Variants in TBXAS1 observed in about 807,000 individuals in gnomAD.
TBXAS1 encodes thromboxane-A synthase.
TBXAS1 carries 48 observed loss-of-function variants against 60.7 expected under a neutral mutation model. The ratio of observed to expected loss-of-function variants is 0.79; its 90% CI spans 0.63 to 1.01. TBXAS1 has a LOEUF of 1.01. TBXAS1 is among the 50% of genes least tolerant of loss of function. The probability of loss-of-function intolerance (pLI) is 0.00; values close to 1 mark genes in which losing one functional copy is unlikely to be tolerated. For synonymous variants in TBXAS1, 287 were observed against 269.7 expected (o/e 1.06, Z -0.63); for missense variants, 685 against 686.3 (o/e 1.00, Z 0.02).
intron 1 of TBXAS1, 135 bp from the exon 2 acceptor site, chr7:139,872,099 GT>G (rs1291610416): frequency 8.4e-6 from 7 of 830,028 alleles, no homozygotes; most frequent in Non-Finnish European, 1.4e-5. Context: ...CAATTTTTTG[GT>G]TCTTAGATGT....
At chr7:139,819,901 C>T (rs923071684) in intron 4 of TBXAS1, among the ~76,000 whole-genome samples, 8 of 151,848 alleles carry the variant, frequency 5.3e-5, no homozygotes, top group African/African-American at 1.9e-4. Context: ...GCTGCCAGAA[C>T]TTCGAATTAT....
chr7:139,785,291 G>A (rs1797154038), intron 3 of TBXAS1, among the ~76,000 whole-genome samples: 1 of 151,950 alleles, frequency 6.6e-6, no homozygotes, highest in South Asian at 2.1e-4. Context: ...AGATCTCTGA[G>A]GCTGGTATTT....
intron 4 of TBXAS1, among the ~76,000 whole-genome samples, chr7:139,816,585 GACC>G (rs1569493845): frequency 6.6e-6 from 1 of 152,184 alleles, no homozygotes; most frequent in African/African-American, 2.4e-5. Flanking sequence ...AGTGGTCCCA[GACC>G]AGCAGCATCA....
intron 5 of TBXAS1, chr7:139,952,520 C>T (rs1462014296): frequency 5.9e-6 from 9 of 1,533,796 alleles, no homozygotes; most frequent in East Asian, 4.9e-5. Context: ...GAATGGGCAG[C>T]GAATAAAATG....
rs560779050 is a variant in TBXAS1 at position 139,837,828 on chromosome 7, A to T, written c.89+8349A>T. ...CTTATGGAAAAATAAAAAAACAAAA[A>T]CAAAACAAAACAAAAAAGCAAAAGG... On this transcript the variant is annotated intron_variant, in intron 1 of 12. Transcript: ENST00000448866. Among the ~76,000 whole-genome samples, 331 of 152,268 alleles carry T rather than the reference A, an allele frequency of 2.2e-3. 2 individuals carry two copies. Among genetic ancestry groups the T allele is most frequent in the Non-Finnish European group, 3.2e-3 (221 of 68,020 alleles).
At chr7:139,931,672 A>G (rs563641193) in intron 4 of TBXAS1, among the ~76,000 whole-genome samples, 11 of 152,202 alleles carry the variant, frequency 7.2e-5, no homozygotes, top group Non-Finnish European at 1.0e-4. Flanking sequence ...CCACGAGAAC[A>G]ACATAGGAAA....
At chr7:139,804,261 T>C (rs1249789426) in intron 4 of TBXAS1, among the ~76,000 whole-genome samples, 1 of 152,250 alleles carries the variant, frequency 6.6e-6, no homozygotes, top group African/African-American at 2.4e-5. Flanking sequence ...GATTGCCCTA[T>C]TGGATTTCAG....
upstream of TBXAS1, among the ~76,000 whole-genome samples, chr7:139,824,432 A>G (rs2116453272): frequency 6.6e-6 from 1 of 152,342 alleles, no homozygotes; most frequent in Admixed American, 6.5e-5. Flanking sequence ...GCAAGGGCAC[A>G]ATAATATATA....
At chr7:139,978,650 T>C (rs1811734948) in intron 9 of TBXAS1, among the ~76,000 whole-genome samples, 1 of 151,208 alleles carries the variant, frequency 6.6e-6, no homozygotes, top group African/African-American at 2.4e-5. Context: ...ATTTTAAAGA[T>C]TAAAGCAACT....
chr7:139,876,772 C>T (rs1254062225), intron 3 of TBXAS1, among the ~76,000 whole-genome samples: 1 of 152,152 alleles, frequency 6.6e-6, no homozygotes, highest in Non-Finnish European at 1.5e-5. Context: ...GCATAATGGA[C>T]TACCCCAAAA....
intron 1 of TBXAS1, among the ~76,000 whole-genome samples, chr7:139,865,713 AGAGGAG>A (rs1359984705): frequency 4.7e-5 from 1 of 21,280 alleles, no homozygotes; most frequent in Admixed American, 5.3e-4. Context: ...AGGAGGAGGA[AGAGGAG>A]GAGGAGGAGG....
rs147295155 is a variant in TBXAS1 at position 139,896,759 on chromosome 7, C to T, written c.237-14466C>T. On this transcript the variant is annotated intron_variant, in intron 3 of 12. Transcript: ENST00000448866. The surrounding 1 kb of genome is among the most constrained non-coding windows in gnomAD (Gnocchi z 4.0). ...CACTAAGGGCACCGTGAACTGAGAACGTTTGGAAACACAGGTATAAGAGGA... is the reference window on the plus strand; with the variant it reads ...CACTAAGGGCACCGTGAACTGAGAATGTTTGGAAACACAGGTATAAGAGGA... 1.3e-5 allele frequency among the ~76,000 whole-genome samples: 2 copies of T among 152,206 alleles called. No homozygotes were observed. The highest frequency in any genetic ancestry group is 2.4e-5 in the African/African-American group (1 of 41,528).
intron 9 of TBXAS1, among the ~76,000 whole-genome samples, chr7:139,988,552 C>T (rs1812668691): frequency 6.6e-6 from 1 of 152,226 alleles, no homozygotes; most frequent in East Asian, 1.9e-4. Context: ...CTGCCCAGAA[C>T]CCTGAGGGCT....
In TBXAS1 at chr7:139,798,215, C is replaced by T. The variant is rs552262481; in HGVS notation, c.-80+10789C>T. ...AGCAGGCAGCTTGAAGAGGGAGACACGCCAGCCAGAAGGAAAAGAAAGAAG... is the reference window on the plus strand; with the variant it reads ...AGCAGGCAGCTTGAAGAGGGAGACATGCCAGCCAGAAGGAAAAGAAAGAAG... On this transcript the variant is annotated intron_variant, in intron 4 of 16. Transcript: ENST00000336425. 4.0e-5 allele frequency among the ~76,000 whole-genome samples: 6 copies of T among 151,772 alleles called. 2 individuals carry two copies. The South Asian group carries it at 8.3e-4, about 21-fold the overall frequency.
chr7:139,884,611 G>A lies in TBXAS1; in HGVS notation c.236+8974G>A, dbSNP rs1398169838. On this transcript the variant is annotated intron_variant, in intron 3 of 12. Transcript: ENST00000448866. ...GTGGGTGAAGGGCAGCGTTTAAAGA[G>A]TAAGATGGTGCTCCCCATTCCAGCA... Among the ~76,000 whole-genome samples the A allele has an allele frequency of 2.0e-5, 3 of 152,318 alleles. No individual in the cohort carries two copies. In the East Asian group the frequency reaches 5.8e-4, roughly 29 times the overall value.
chr7:139,920,974 C>T (rs141265667), intron 4 of TBXAS1, among the ~76,000 whole-genome samples: 24 of 152,298 alleles, frequency 1.6e-4, no homozygotes, highest in African/African-American at 5.3e-4. Flanking sequence ...CACTGAACAA[C>T]CAAATTTTAA....
intron 5 of TBXAS1, among the ~76,000 whole-genome samples, chr7:139,944,856 C>T (rs1366507192): frequency 3.3e-5 from 5 of 152,196 alleles, no homozygotes; most frequent in Non-Finnish European, 7.3e-5. Flanking sequence ...TTCCCTAGCA[C>T]TCAGCATTGT....
chr7:139,840,873 T>C lies in TBXAS1; in HGVS notation c.89+11394T>C, dbSNP rs561308179. 5.3e-5 allele frequency among the ~76,000 whole-genome samples: 8 copies of C among 152,202 alleles called. No individual in the cohort carries two copies. In the South Asian group the frequency reaches 1.7e-3, roughly 32 times the overall value. On this transcript the variant is annotated intron_variant, in intron 1 of 12. Transcript: ENST00000448866. Reference sequence around the variant, plus strand: ...GGTCGTGAGTGTCCCTCACCATCCATAGGAATGCCACAAAAGCCCTTGCTG... The same window carrying C: ...GGTCGTGAGTGTCCCTCACCATCCACAGGAATGCCACAAAAGCCCTTGCTG...
chr7:139,923,161 A>AATATATATATATATATATAT lies in TBXAS1; in HGVS notation c.333+11855_333+11856insTATATATATATATATATATA, dbSNP rs147721420. On this transcript the variant is annotated intron_variant, in intron 4 of 12. Transcript: ENST00000448866. ...ACCAAGACCCAGTCTCTACTAAACA[A>AATATATATATATATATATAT]ATATATATATATATAATTAGCCAGG... 2.2e-3 allele frequency among the ~76,000 whole-genome samples: 325 copies of AATATATATATATATATATAT among 150,316 alleles called. 1 individual carries two copies. The highest frequency in any genetic ancestry group is 7.3e-3 in the African/African-American group (301 of 41,070).
Sources: gnomAD v4.1 joint callset for allele counts (sites outside exome capture counted in the v4.1 genomes callset) on GRCh38, gnomAD v4.1.1 for gene constraint, Gnocchi (gnomAD v3.1) non-coding constraint, MANE v1.5 for transcripts, NCBI Gene and HGNC (gene_info 2026-07-23, HGNC 2026-07-21) for gene names.